Variants in LIMCH1 observed in about 807,000 individuals in gnomAD.
The protein encoded by LIMCH1 is LIM and calponin homology domains-containing protein 1.
LIMCH1 carries 113 observed loss-of-function variants against 176.5 expected under a neutral mutation model. The ratio of observed to expected loss-of-function variants is 0.64; its 90% CI spans 0.55 to 0.75. The LOEUF is 0.75. Among genes scored for constraint, LIMCH1 ranks in the 30% least tolerant of loss-of-function variants. The pLI, the probability that LIMCH1 is intolerant of heterozygous loss-of-function variation, is 0.00. For missense variants in LIMCH1, 1,674 were observed against 1,814.9 expected (o/e 0.92, Z 1.41); for synonymous variants, 619 against 645.9 (o/e 0.96, Z 0.63).
At chr4:41,480,212 C>T (rs1442544254) in intron 1 of LIMCH1, among the ~76,000 whole-genome samples, 2 of 152,138 alleles carry the variant, frequency 1.3e-5, no homozygotes, top group Non-Finnish European at 2.9e-5. Flanking sequence ...TGTCCAGTTC[C>T]CAAGTGCCAG....
At chr4:41,692,858 A>C (rs1019794361) in intron 31 of LIMCH1, 1 of 153,326 alleles carries the variant, frequency 6.5e-6, no homozygotes, top group Non-Finnish European at 1.5e-5. Flanking sequence ...CTGAATGGAA[A>C]GTTCCTTGAG....
intron 27 of LIMCH1, among the ~76,000 whole-genome samples, chr4:41,684,877 G>A (rs921358717): frequency 1.3e-5 from 2 of 152,086 alleles, no homozygotes; most frequent in African/African-American, 2.4e-5. Flanking sequence ...CCCCAAAGCC[G>A]GGTGAGATGT....
At chr4:41,426,116 G>A (rs1406268380) in intron 1 of LIMCH1, among the ~76,000 whole-genome samples, 1 of 148,308 alleles carries the variant, frequency 6.7e-6, no homozygotes, top group Non-Finnish European at 1.5e-5. Context: ...CCGCCTCCCG[G>A]GTTCACGCCA....
Position 41,538,196 on chromosome 4 carries a change from G to T in LIMCH1, c.-395G>T. 1 of 985,696 alleles carries T rather than the reference G, an allele frequency of 1.0e-6. No homozygotes were observed. Among genetic ancestry groups the T allele is most frequent in the Non-Finnish European group, 1.2e-6 (1 of 830,090 alleles). 61.1% of individuals were successfully genotyped at this position (985,696 alleles called of 1,614,324 possible). A position where few individuals can be genotyped will look rare whatever the true frequency, so the allele number is the denominator to read the frequency against. On this transcript the variant is annotated 5_prime_UTR_variant, in exon 1 of 32. Transcript: ENST00000503057. The stretch of plus-strand genomic sequence containing the variant: ...AGCAGCCTGCTTGTGGACAGAGCAG[G>T]GGTTGGCAGTGGTGACGACTGTTTT...
At chr4:41,421,725 G>C (rs1242438986) in intron 1 of LIMCH1, among the ~76,000 whole-genome samples, 1 of 152,132 alleles carries the variant, frequency 6.6e-6, no homozygotes, top group Non-Finnish European at 1.5e-5. Flanking sequence ...TAAATGAACT[G>C]TCCTGTGAGG....
At chr4:41,626,683 G>A in intron 7 of LIMCH1, 25 bp from the exon 8 acceptor site, 1 of 1,526,798 alleles carries the variant, frequency 6.5e-7, no homozygotes, top group Non-Finnish European at 8.8e-7. Flanking sequence ...CACATGTGGA[G>A]TCCCATTTAA....
rs1298143846 is a variant in LIMCH1, at chr4:41,629,717, A to C, written c.1254A>C (p.Lys418Asn). 1.3e-6 allele frequency: 2 copies of C among 1,535,772 alleles called. No homozygotes were observed. The highest frequency in any genetic ancestry group is 1.7e-6 in the Non-Finnish European group (2 of 1,146,780). Residue 418 changes from lysine to asparagine, a missense_variant, in exon 9 of 32, where the codon AAA becomes AAC. Around this residue, in one of 3 missense-constraint regions of LIMCH1, gnomAD observed 655 missense variants for 692.2 expected, o/e 0.95. Coordinates refer to ENST00000503057, the MANE Select transcript of LIMCH1 (RefSeq NM_001330672.2). ...ACTTGGAGACGTGGGAGAGACTCAA[A>C]GTGTCAGAAAAGGCGAGGTGTGTCA... ...EADLETWERLKVSEKARDGDV... is the reference protein window; with the variant it reads ...EADLETWERLNVSEKARDGDV...
At chr4:41,677,419 AAAAAG>A (rs1361839709) in intron 23 of LIMCH1, among the ~76,000 whole-genome samples, 3 of 152,180 alleles carry the variant, frequency 2.0e-5, no homozygotes, top group Non-Finnish European at 4.4e-5. Context: ...AAAAAAAAGA[AAAAAG>A]AAAAGAAAAA....
intron 1 of LIMCH1, among the ~76,000 whole-genome samples, chr4:41,376,693 C>T (rs905784688): frequency 4.6e-5 from 7 of 152,116 alleles, no homozygotes; most frequent in Admixed American, 4.6e-4. Flanking sequence ...TAGGGTAAGA[C>T]ATATTTCTGG....
chr4:41,633,920 A>G (rs2093453642), intron 13 of LIMCH1, 112 bp downstream of exon 13: 1 of 1,225,296 alleles, frequency 8.2e-7, no homozygotes, highest in Non-Finnish European at 1.1e-6. Flanking sequence ...TGCTAGCAGA[A>G]ACAGAATGAT....
At chr4:41,383,713 C>T (rs1018912874) in intron 1 of LIMCH1, among the ~76,000 whole-genome samples, 1 of 152,050 alleles carries the variant, frequency 6.6e-6, no homozygotes, top group Non-Finnish European at 1.5e-5. Context: ...AGATATATAT[C>T]TATATCTATA....
At chr4:41,451,750 A>G (rs899438118) in intron 1 of LIMCH1, among the ~76,000 whole-genome samples, 2 of 152,226 alleles carry the variant, frequency 1.3e-5, no homozygotes, top group African/African-American at 4.8e-5. Context: ...GATGTTTGTT[A>G]CTTTAGTTCT....
At chr4:41,455,882 A>G (rs77100970) in intron 1 of LIMCH1, among the ~76,000 whole-genome samples, 5,452 of 152,312 alleles carry the variant, frequency 0.036, 323 homozygotes, top group African/African-American at 0.12. Context: ...CAATGGTGGT[A>G]CCTTCTGACT....
chr4:41,372,145 T>C (rs2054066653), intron 1 of LIMCH1, among the ~76,000 whole-genome samples: 1 of 152,182 alleles, frequency 6.6e-6, no homozygotes, highest in African/African-American at 2.4e-5. Flanking sequence ...TCCTCTCATC[T>C]CCATAATGCA....
intron 1 of LIMCH1, among the ~76,000 whole-genome samples, chr4:41,366,509 T>G (rs2053010670): frequency 6.6e-6 from 1 of 152,210 alleles, no homozygotes; most frequent in Non-Finnish European, 1.5e-5. Flanking sequence ...GTATCAGATA[T>G]GATCTTTTTT....
rs563561720 is a variant in LIMCH1, at chr4:41,380,079, A to G, written c.96+19143A>G. On this transcript the variant is annotated intron_variant, in intron 1 of 26. Coordinates refer to the LIMCH1 transcript ENST00000313860. ...TTTGGCCTCCCAAAGTGCTAGGATT[A>G]CAGGTGTGAGCCACCATGCCCAGCC... Among the ~76,000 whole-genome samples the G allele has an allele frequency of 2.0e-5, 3 of 152,328 alleles. No homozygotes were observed. The South Asian group carries it at 6.2e-4, about 32-fold the overall frequency.
At chr4:41,613,209 T>C in intron 4 of LIMCH1, 1 of 1,025,532 alleles carries the variant, frequency 9.8e-7, no homozygotes, top group Non-Finnish European at 1.5e-6. Context: ...TTTTTAAACC[T>C]AGGGAATATG....
chr4:41,368,324 T>C (rs1228411523), intron 1 of LIMCH1, among the ~76,000 whole-genome samples: 1 of 152,198 alleles, frequency 6.6e-6, no homozygotes, highest in Non-Finnish European at 1.5e-5. Flanking sequence ...GCTCCAACAA[T>C]GTGCAGCATA....
At chr4:41,454,765 A>T (rs1373572445) in intron 1 of LIMCH1, among the ~76,000 whole-genome samples, 1 of 152,174 alleles carries the variant, frequency 6.6e-6, no homozygotes, top group Admixed American at 6.5e-5. Flanking sequence ...TGTGAATCTG[A>T]TCTGATTATT....
Sources: gnomAD v4.1 joint callset for allele counts (sites outside exome capture counted in the v4.1 genomes callset) on GRCh38, gnomAD v4.1.1 for gene constraint, gnomAD v4.1.1 regional missense constraint, MANE v1.5 for transcripts, NCBI Gene and HGNC (gene_info 2026-07-23, HGNC 2026-07-21) for gene names.